The following PABPC4L variants were observed in gnomAD, a reference collection of about 807,000 sequenced individuals.
PABPC4L encodes poly(A) binding protein cytoplasmic 4 like.
For missense variants in PABPC4L, 452 were observed against 451.4 expected, an observed-to-expected ratio of 1.00 and a Z score of -0.01; for synonymous variants, 169 against 164.1, an observed-to-expected ratio of 1.03 and a Z score of -0.23.
the PABPC4L span, among the ~76,000 whole-genome samples, chr4:134,055,081 G>T: frequency 6.6e-6 from 1 of 151,812 alleles, no homozygotes; most frequent in Non-Finnish European, 1.5e-5. Flanking sequence ...CATTTTCCTG[G>T]TTACTAATGA....
At chr4:134,071,178 C>T in the PABPC4L span, among the ~76,000 whole-genome samples, 1 of 152,184 alleles carries the variant, frequency 6.6e-6, no homozygotes, top group Non-Finnish European at 1.5e-5. Context: ...TCATGGCTTC[C>T]TGAGGAGTCA....
At chr4:134,137,256 G>A in the PABPC4L span, among the ~76,000 whole-genome samples, 5 of 151,900 alleles carry the variant, frequency 3.3e-5, no homozygotes, top group East Asian at 7.7e-4. Context: ...CAAATGATAT[G>A]TTTCTCTCCA....
At chr4:134,063,869 A>C in the PABPC4L span, among the ~76,000 whole-genome samples, 1 of 152,020 alleles carries the variant, frequency 6.6e-6, no homozygotes, top group Non-Finnish European at 1.5e-5. Flanking sequence ...TTTCTCTGAC[A>C]ATCTTTTCCT....
the PABPC4L span, among the ~76,000 whole-genome samples, chr4:134,083,834 C>A: frequency 6.6e-6 from 1 of 151,850 alleles, no homozygotes; most frequent in Middle Eastern, 3.2e-3. Context: ...GTTTCCAAAT[C>A]GAAAAGCTTA....
the PABPC4L span, among the ~76,000 whole-genome samples, chr4:134,002,302 G>A: frequency 6.6e-6 from 1 of 151,560 alleles, no homozygotes; most frequent in Non-Finnish European, 1.5e-5. Context: ...TTATATTAAA[G>A]TATTCATTAT....
chr4:134,144,866 G>C, the PABPC4L span, among the ~76,000 whole-genome samples: 5 of 151,296 alleles, frequency 3.3e-5, no homozygotes, highest in Admixed American at 3.3e-4. Context: ...GCCCTAATTT[G>C]TGTAAAAATT....
At chr4:134,104,541 C>T in the PABPC4L span, among the ~76,000 whole-genome samples, 1 of 151,704 alleles carries the variant, frequency 6.6e-6, no homozygotes, top group Non-Finnish European at 1.5e-5. Context: ...TTCTCCGAAG[C>T]TCAGCACCTG....
At chr4:134,136,839 TCTGA>T in the PABPC4L span, among the ~76,000 whole-genome samples, 129 of 152,198 alleles carry the variant, frequency 8.5e-4, no homozygotes, top group Admixed American at 1.4e-3. Context: ...TGAAATTTGC[TCTGA>T]CTATGTAAGA....
chr4:134,101,120 T>C, the PABPC4L span, among the ~76,000 whole-genome samples: 6 of 151,478 alleles, frequency 4.0e-5, no homozygotes, highest in Non-Finnish European at 7.4e-5. Flanking sequence ...ACAGGCTTTA[T>C]AGTATGATTG....
At chr4:134,127,346 C>T in the PABPC4L span, among the ~76,000 whole-genome samples, 1 of 152,090 alleles carries the variant, frequency 6.6e-6, no homozygotes, top group Non-Finnish European at 1.5e-5. Flanking sequence ...GGACTACCAA[C>T]ACAAAACCAG....
the PABPC4L span, among the ~76,000 whole-genome samples, chr4:134,181,679 G>A: frequency 5.9e-5 from 9 of 151,946 alleles, no homozygotes; most frequent in South Asian, 1.9e-3. Context: ...AAAGTTTCAG[G>A]ATACAAAATC....
At chr4:134,135,700 G>C in the PABPC4L span, among the ~76,000 whole-genome samples, 3 of 152,100 alleles carry the variant, frequency 2.0e-5, no homozygotes, top group East Asian at 5.8e-4. Flanking sequence ...GGGCATGGTG[G>C]CACATGCCTA....
At position 134,201,058 on chromosome 4, in the gene PABPC4L, T is replaced by A; in HGVS notation, c.-39A>T. ...CCACTGTGAGTTTGTCCCCTGGAGT[T>A]CTTTGAGCAATCCCTGTGGGGGGAT... On this transcript the variant is annotated 5_prime_UTR_variant, in exon 2 of 2. Coordinates refer to ENST00000421491, the MANE Select transcript of PABPC4L (RefSeq NM_001114734.2). 6.4e-7 allele frequency: 1 copy of A among 1,551,574 alleles called. No individual in the cohort carries two copies. Among genetic ancestry groups the A allele is most frequent in the Non-Finnish European group, 8.7e-7 (1 of 1,146,968 alleles).
At chr4:134,186,946 T>G in the PABPC4L span, among the ~76,000 whole-genome samples, 1 of 152,116 alleles carries the variant, frequency 6.6e-6, no homozygotes, top group Non-Finnish European at 1.5e-5. Flanking sequence ...GAAAAAATGT[T>G]TATCATCACT....
the PABPC4L span, among the ~76,000 whole-genome samples, chr4:134,186,748 A>C: frequency 6.6e-6 from 1 of 152,178 alleles, no homozygotes; most frequent in East Asian, 1.9e-4. Flanking sequence ...CATCAGCGTG[A>C]ACAGGCAACC....
At chr4:134,159,766 A>T in the PABPC4L span, among the ~76,000 whole-genome samples, 1 of 152,068 alleles carries the variant, frequency 6.6e-6, no homozygotes, top group Admixed American at 6.5e-5. Flanking sequence ...GAGACAGTGG[A>T]TATGGAGTGA....
the PABPC4L span, among the ~76,000 whole-genome samples, chr4:134,036,688 C>T: frequency 6.6e-6 from 1 of 152,028 alleles, no homozygotes; most frequent in African/African-American, 2.4e-5. Context: ...TATTCTGTTA[C>T]ATTGTTCTAT....
the PABPC4L span, among the ~76,000 whole-genome samples, chr4:134,047,469 G>A: frequency 5.9e-5 from 9 of 152,238 alleles, no homozygotes; most frequent in East Asian, 1.2e-3. Context: ...CTAGAGGCAC[G>A]TCTTTGAATT....
chr4:133,971,221 ACTGCCTCAGCCTC>A, the PABPC4L span, among the ~76,000 whole-genome samples: 1 of 140,960 alleles, frequency 7.1e-6, no homozygotes. Context: ...CACGCATTCT[ACTGCCTCAGCCTC>A]CGGAGTAGCT....
Sources: allele counts gnomAD v4.1 joint callset (sites outside exome capture counted in the v4.1 genomes callset), GRCh38; gene constraint gnomAD v4.1.1; transcripts MANE v1.5; gene names NCBI Gene and HGNC (gene_info 2026-07-23, HGNC 2026-07-21).